The following MTMR2 variants were observed in gnomAD, a reference collection of about 807,000 sequenced individuals.
MTMR2 encodes the protein myotubularin related protein 2, also known as phosphatidylinositol-3,5-bisphosphate 3-phosphatase MTMR2.
Under a neutral mutation model 86.9 loss-of-function variants are expected in MTMR2, and 55 were observed. That is an observed-to-expected ratio of 0.63 (90% CI 0.51 to 0.79). The LOEUF (loss-of-function observed/expected upper bound fraction) is 0.79, where lower values mean the gene tolerates loss of function less well. MTMR2 is among the 30% of genes least tolerant of loss of function. The pLI, the probability that MTMR2 is intolerant of heterozygous loss-of-function variation, is 0.00. For missense variants in MTMR2, 659 were observed against 772.3 expected (o/e 0.85, Z 1.74); for synonymous variants, 241 against 266.8 (o/e 0.90, Z 0.94).
At chr11:95,865,219 T>C (rs1864568531) in intron 3 of MTMR2, among the ~76,000 whole-genome samples, 1 of 152,168 alleles carries the variant, frequency 6.6e-6, no homozygotes, top group Non-Finnish European at 1.5e-5. Context: ...AAATTACTTG[T>C]ATAAGGTGAC....
At chr11:95,900,054 A>G (rs1288315029) in intron 1 of MTMR2, among the ~76,000 whole-genome samples, 2 of 152,154 alleles carry the variant, frequency 1.3e-5, no homozygotes, top group Non-Finnish European at 2.9e-5. Flanking sequence ...AAGTTATTGT[A>G]TTAGAGCAGT....
At chr11:95,918,180 A>T (rs1403921534) in intron 1 of MTMR2, among the ~76,000 whole-genome samples, 2 of 152,224 alleles carry the variant, frequency 1.3e-5, no homozygotes, top group Non-Finnish European at 2.9e-5. Context: ...TACAAAAGGC[A>T]CCAATTAGCA....
chr11:95,839,026 C>T (rs1863420055), intron 12 of MTMR2, among the ~76,000 whole-genome samples: 1 of 151,968 alleles, frequency 6.6e-6, no homozygotes. Context: ...ATTTAGATTG[C>T]AGACTGTGAA....
At chr11:95,838,552 T>A (rs1254568645) in intron 12 of MTMR2, among the ~76,000 whole-genome samples, 1 of 152,046 alleles carries the variant, frequency 6.6e-6, no homozygotes, top group East Asian at 1.9e-4. Context: ...TTTTTCTTTT[T>A]TAAGGATTAC....
Position 95,833,918 on chromosome 11 carries a change from T to G in MTMR2, c.*1372A>C, listed in dbSNP as rs1159995822. The G allele has an allele frequency of 6.6e-6, 1 of 152,084 alleles. No individual in the cohort carries two copies. Among genetic ancestry groups the G allele is most frequent in the Admixed American group, 6.6e-5 (1 of 15,232 alleles). 9.4% of individuals were successfully genotyped at this position (152,084 alleles called of 1,614,324 possible). Reference sequence around the variant, plus strand: ...GGGAGGCTAAGGTTCAGACTCTCTGTATAGTGAATTAGTGAGTGGAAAAAC... The same window carrying G: ...GGGAGGCTAAGGTTCAGACTCTCTGGATAGTGAATTAGTGAGTGGAAAAAC... On this transcript the variant is annotated 3_prime_UTR_variant, in exon 15 of 15. Coordinates refer to ENST00000346299, the MANE Select transcript of MTMR2 (RefSeq NM_016156.6).
At position 95,862,369 on chromosome 11, in the gene MTMR2, G is replaced by A. The variant is rs553551578; in HGVS notation, c.263-3C>T. 1.6e-5 allele frequency: 26 copies of A among 1,587,058 alleles called. No individual in the cohort carries two copies. The African/African-American group carries it at 2.4e-4, about 15-fold the overall frequency. On this transcript the variant is annotated splice_polypyrimidine_tract_variant and splice_region_variant and intron_variant, in intron 3 of 14. Coordinates refer to ENST00000346299, the MANE Select transcript of MTMR2 (RefSeq NM_016156.6). ...ACATATATAAGTTACATCTTTGGCT[G>A]AAAAAGCAAGAAGTCCACAGTTTAC...
chr11:95,877,673 C>A (rs1865174087), intron 2 of MTMR2, among the ~76,000 whole-genome samples: 1 of 152,010 alleles, frequency 6.6e-6, no homozygotes, highest in South Asian at 2.1e-4. Flanking sequence ...GGTATCCTCA[C>A]AAGAAGACAG....
chr11:95,914,055 G>A (rs1196210920), intron 1 of MTMR2, among the ~76,000 whole-genome samples: 3 of 152,152 alleles, frequency 2.0e-5, no homozygotes, highest in Non-Finnish European at 2.9e-5. Flanking sequence ...AAAACTTAGT[G>A]ACTGCTTTCC....
Position 95,872,433 on chromosome 11 carries a change from A to C in MTMR2, c.187-6757T>G, listed in dbSNP as rs528249426. ...GCTGTTTGTCTGTTATTGGTGTATA[A>C]GAATGCTTGTGATTTTTGCATATTG... On this transcript the variant is annotated intron_variant, in intron 2 of 14. Transcript: ENST00000346299. Among the ~76,000 whole-genome samples the C allele has an allele frequency of 9.1e-4, 139 of 152,286 alleles. 1 individual carries two copies. The East Asian group carries it at 0.023, about 25-fold the overall frequency.
chr11:95,850,321 T>C (rs535964572), intron 8 of MTMR2, among the ~76,000 whole-genome samples: 1 of 151,822 alleles, frequency 6.6e-6, no homozygotes, highest in Non-Finnish European at 1.5e-5. Flanking sequence ...GAATATACAA[T>C]AAGATAAATA....
At chr11:95,877,625 C>T (rs1865172214) in intron 2 of MTMR2, among the ~76,000 whole-genome samples, 1 of 151,982 alleles carries the variant, frequency 6.6e-6, no homozygotes, top group South Asian at 2.1e-4. Context: ...AAGATGAGGT[C>T]ATACTGGTGT....
At chr11:95,842,688 C>T (rs1442833904) in intron 11 of MTMR2, among the ~76,000 whole-genome samples, 1 of 152,132 alleles carries the variant, frequency 6.6e-6, no homozygotes, top group East Asian at 1.9e-4. Context: ...CATTATTTAC[C>T]TTTTTCAGTG....
chr11:95,857,595 T>C lies in MTMR2; in HGVS notation c.611A>G (p.Asn204Ser). ...AAGAGGGTCATATAGCTTCCACCCATTTTCAGGGAATACTTCTTTGTATTC... is the reference window on the plus strand; with the variant it reads ...AAGAGGGTCATATAGCTTCCACCCACTTTCAGGGAATACTTCTTTGTATTC... ...AFEYKEVFPENGWKLYDPLLE... is the reference protein window; with the variant it reads ...AFEYKEVFPESGWKLYDPLLE... The change falls in exon 7 of 15, where the codon AAT becomes AGT. Residue 204 changes from asparagine to serine, a missense_variant. By Grantham distance (46) the Asn-to-Ser change is conservative. Coordinates refer to ENST00000346299, the MANE Select transcript of MTMR2 (RefSeq NM_016156.6). The C allele has an allele frequency of 6.2e-7, 1 of 1,612,640 alleles. No individual in the cohort carries two copies. The highest frequency in any genetic ancestry group is 1.3e-5 in the African/African-American group (1 of 74,990).
intron 7 of MTMR2, among the ~76,000 whole-genome samples, chr11:95,855,747 C>T (rs1864187877): frequency 6.6e-6 from 1 of 152,038 alleles, no homozygotes; most frequent in South Asian, 2.1e-4. Flanking sequence ...TACAAAGTGC[C>T]TTTCTATATG....
chr11:95,903,645 G>A (rs1000617394), intron 1 of MTMR2, among the ~76,000 whole-genome samples: 3 of 152,010 alleles, frequency 2.0e-5, no homozygotes, highest in Non-Finnish European at 2.9e-5. Flanking sequence ...TCTTCACCCT[G>A]TATCATCCTC....
intron 2 of MTMR2, among the ~76,000 whole-genome samples, chr11:95,886,760 A>G (rs1336741079): frequency 6.6e-6 from 1 of 152,170 alleles, no homozygotes; most frequent in East Asian, 1.9e-4. Context: ...ATCTGACCAG[A>G]AGTATGCCAA....
At chr11:95,914,099 G>C (rs1866613416) in intron 1 of MTMR2, 1 of 738,016 alleles carries the variant, frequency 1.4e-6, no homozygotes, top group Admixed American at 6.3e-5. Flanking sequence ...TTTAAGGACA[G>C]GGACTTGGAA....
chr11:95,843,137 A>G (rs950273573), intron 11 of MTMR2, among the ~76,000 whole-genome samples: 38 of 152,186 alleles, frequency 2.5e-4, no homozygotes, highest in African/African-American at 9.2e-4. Context: ...ACAGCTGACA[A>G]TATTTGTTGT....
chr11:95,905,902 A>AG (rs1003844338), intron 1 of MTMR2, among the ~76,000 whole-genome samples: 31 of 152,294 alleles, frequency 2.0e-4, no homozygotes, highest in African/African-American at 7.5e-4. Context: ...AACAAAAAAA[A>AG]AAACTATGGT....
Sources: allele counts gnomAD v4.1 joint callset (sites outside exome capture counted in the v4.1 genomes callset), GRCh38; gene constraint gnomAD v4.1.1; transcripts MANE v1.5; gene names NCBI Gene and HGNC (gene_info 2026-07-23, HGNC 2026-07-21).